Variants in CHST11 observed in about 807,000 individuals in gnomAD.
CHST11 encodes carbohydrate sulfotransferase 11.
Under a neutral mutation model 30.4 loss-of-function variants are expected in CHST11, and 9 were observed. That is an observed-to-expected ratio of 0.30 (90% CI 0.18 to 0.52). The LOEUF is 0.52. Among genes scored for constraint, CHST11 ranks in the 20% least tolerant of loss-of-function variants. The pLI, the probability that CHST11 is intolerant of heterozygous loss-of-function variation, is 0.97. For synonymous variants in CHST11, 152 were observed against 187.8 expected, an observed-to-expected ratio of 0.81 and a Z score of 1.56; for missense variants, 348 against 460.6, an observed-to-expected ratio of 0.76 and a Z score of 2.24.
chr12:104,460,830 C>T (rs1272552942), intron 1 of CHST11, among the ~76,000 whole-genome samples: 1 of 152,038 alleles, frequency 6.6e-6, no homozygotes, highest in Non-Finnish European at 1.5e-5. Flanking sequence ...CAGAAGTGGG[C>T]CTTGTCAGTA....
intron 1 of CHST11, among the ~76,000 whole-genome samples, chr12:104,500,036 G>T (rs905556964): frequency 7.9e-5 from 12 of 152,186 alleles, no homozygotes; most frequent in African/African-American, 1.9e-4. Context: ...ATTTTTCCCT[G>T]TAGCTGTCTT....
rs2040527191 is a variant in CHST11 at position 104,761,582 on chromosome 12, T to G, written c.*3779T>G. The G allele has an allele frequency of 6.6e-6, 1 of 152,300 alleles. No individual in the cohort carries two copies. The highest frequency in any genetic ancestry group is 1.5e-5 in the Non-Finnish European group (1 of 68,284). 9.4% of individuals were successfully genotyped at this position (152,300 alleles called of 1,614,324 possible). ...CTCTATGTCAGCAGGACTGACCACA[T>G]CACTCCCCCGAGTTCCCACCACCAG... On this transcript the variant is annotated 3_prime_UTR_variant, in exon 3 of 3. Transcript: ENST00000303694.
intron 2 of CHST11, among the ~76,000 whole-genome samples, chr12:104,719,976 T>G (rs943403517): frequency 1.3e-5 from 2 of 152,272 alleles, no homozygotes; most frequent in African/African-American, 4.8e-5. Context: ...CCGTGGCTCC[T>G]GAGAAGAATT....
chr12:104,607,330 C>T (rs1020519340), intron 2 of CHST11, among the ~76,000 whole-genome samples: 4 of 152,130 alleles, frequency 2.6e-5, no homozygotes, highest in Admixed American at 6.5e-5. Flanking sequence ...TTGCGGGGGA[C>T]TCTCTTAGCC....
At chr12:104,508,330 G>C (rs2141858) in intron 1 of CHST11, among the ~76,000 whole-genome samples, 21,193 of 152,210 alleles carry the variant, frequency 0.14, 1,679 homozygotes, top group East Asian at 0.34. Context: ...GGCTTCAGGT[G>C]CTTCCTCTGT....
At chr12:104,558,067 T>C (rs74942850) in intron 1 of CHST11, among the ~76,000 whole-genome samples, 2,430 of 152,192 alleles carry the variant, frequency 0.016, 126 homozygotes, top group East Asian at 0.15. Flanking sequence ...AGCAGCAGCT[T>C]CTGTCCTCCA....
At chr12:104,711,506 T>C (rs962095873) in intron 2 of CHST11, among the ~76,000 whole-genome samples, 1 of 152,086 alleles carries the variant, frequency 6.6e-6, no homozygotes, top group Admixed American at 6.5e-5. Flanking sequence ...ATTTCCCAAT[T>C]AATCTTGGGA....
chr12:104,651,895 T>TG (rs549782593), intron 2 of CHST11, among the ~76,000 whole-genome samples: 2 of 152,244 alleles, frequency 1.3e-5, no homozygotes, highest in Non-Finnish European at 2.9e-5. Context: ...AAGATCCCCT[T>TG]GCAGGGTTCT....
At chr12:104,690,445 C>G (rs1318763580) in intron 2 of CHST11, among the ~76,000 whole-genome samples, 1 of 152,218 alleles carries the variant, frequency 6.6e-6, no homozygotes, top group Non-Finnish European at 1.5e-5. Flanking sequence ...TTCTGATCCC[C>G]TCTTATATGA....
chr12:104,713,162 A>G (rs934685908), intron 2 of CHST11, among the ~76,000 whole-genome samples: 8 of 152,178 alleles, frequency 5.3e-5, no homozygotes, highest in African/African-American at 4.8e-5. Flanking sequence ...TGGCCACACC[A>G]TTCCAGGAGC....
chr12:104,578,655 G>C (rs958023378), intron 1 of CHST11, among the ~76,000 whole-genome samples: 2 of 152,164 alleles, frequency 1.3e-5, no homozygotes, highest in African/African-American at 4.8e-5. Flanking sequence ...ATACTATTTA[G>C]TCACTGTCCT....
intron 1 of CHST11, among the ~76,000 whole-genome samples, chr12:104,548,222 A>G (rs2038370247): frequency 6.6e-6 from 1 of 152,214 alleles, no homozygotes. Context: ...TTAGTGGTTT[A>G]TGATAGGAAG....
At chr12:104,526,223 A>G (rs1342757974) in intron 1 of CHST11, among the ~76,000 whole-genome samples, 1 of 150,260 alleles carries the variant, frequency 6.7e-6, no homozygotes, top group African/African-American at 2.5e-5. Context: ...CTTAAAAAAA[A>G]AAAGAAAAGA....
At chr12:104,679,942 T>A (rs1301061910) in intron 2 of CHST11, among the ~76,000 whole-genome samples, 1 of 152,152 alleles carries the variant, frequency 6.6e-6, no homozygotes, top group Non-Finnish European at 1.5e-5. Flanking sequence ...TTGGTTTGTT[T>A]TTTTACTGCC....
chr12:104,490,676 C>T (rs537374541), intron 1 of CHST11, among the ~76,000 whole-genome samples: 1 of 152,088 alleles, frequency 6.6e-6, no homozygotes, highest in Non-Finnish European at 1.5e-5. Context: ...GAACATTGGT[C>T]AGGGGAATTT....
intron 2 of CHST11, among the ~76,000 whole-genome samples, chr12:104,667,052 C>T (rs2039649420): frequency 6.6e-6 from 1 of 152,160 alleles, no homozygotes; most frequent in Non-Finnish European, 1.5e-5. Flanking sequence ...TGAACATAGT[C>T]ATTCATTTTC....
At chr12:104,497,003 C>T (rs907418976) in intron 1 of CHST11, among the ~76,000 whole-genome samples, 11 of 152,148 alleles carry the variant, frequency 7.2e-5, no homozygotes, top group African/African-American at 2.2e-4. Context: ...ACTCTCACCT[C>T]TGACTTGTGG....
intron 2 of CHST11, among the ~76,000 whole-genome samples, chr12:104,717,894 G>C (rs1328774617): frequency 6.6e-6 from 1 of 152,144 alleles, no homozygotes; most frequent in Non-Finnish European, 1.5e-5. Context: ...AGGTTGCAGT[G>C]AGCCAAGATT....
At chr12:104,690,907 A>G (rs916604916) in intron 2 of CHST11, among the ~76,000 whole-genome samples, 8 of 152,186 alleles carry the variant, frequency 5.3e-5, no homozygotes, top group African/African-American at 1.9e-4. Flanking sequence ...CCAAAACAGG[A>G]TTTTCACAAG....
Sources: gnomAD v4.1 joint callset for allele counts (sites outside exome capture counted in the v4.1 genomes callset) on GRCh38, gnomAD v4.1.1 for gene constraint, MANE v1.5 for transcripts, NCBI Gene and HGNC (gene_info 2026-07-23, HGNC 2026-07-21) for gene names.